Variants in PCSK6 observed in about 807,000 individuals in gnomAD.
The protein encoded by PCSK6 is proprotein convertase subtilisin/kexin type 6, also known as paired basic amino acid cleaving enzyme 4.
PCSK6 carries 85 observed loss-of-function variants against 123.3 expected under a neutral mutation model. The ratio of observed to expected loss-of-function variants is 0.69; its 90% CI spans 0.58 to 0.83. PCSK6 has a LOEUF of 0.83. Ranked by LOEUF, PCSK6 falls within the 40% of genes least tolerant of loss-of-function variation. The pLI, the probability that PCSK6 is intolerant of heterozygous loss-of-function variation, is 0.00. For synonymous variants in PCSK6, 508 were observed against 516.0 expected (o/e 0.98, Z 0.21); for missense variants, 1,191 against 1,282.3 (o/e 0.93, Z 1.09).
intron 2 of PCSK6, among the ~76,000 whole-genome samples, chr15:101,437,150 A>G (rs185681064): frequency 6.6e-6 from 1 of 152,334 alleles, no homozygotes; most frequent in Admixed American, 6.5e-5. Context: ...ATGGCTAAGA[A>G]CCACTGAACC....
rs759847490 is a variant in PCSK6, at chr15:101,382,112, G to A, written c.1512C>T (p.Ala504=). The A allele has an allele frequency of 1.7e-5, 27 of 1,608,992 alleles. No individual in the cohort carries two copies. Among genetic ancestry groups the A allele is most frequent in the Admixed American group, 1.0e-4 (6 of 59,428 alleles). ...TAVPSQHMCV[A]ASDKRPRSIP... is the part of the protein sequence containing the mutation. ...CTTACCTGGGTCTCTTGTCCGAGGC[G>A]GCCACACACATGTGCTGCGATGGCA... The change falls in exon 11 of 22, where the codon GCC becomes GCT. Residue 504 remains alanine, a synonymous_variant. Coordinates refer to ENST00000611716, the MANE Select transcript of PCSK6 (RefSeq NM_002570.5).
chr15:101,457,133 C>T (rs1339506161), intron 1 of PCSK6, among the ~76,000 whole-genome samples: 1 of 151,930 alleles, frequency 6.6e-6, no homozygotes, highest in African/African-American at 2.4e-5. Context: ...GATCGTGCCA[C>T]CGCACTCCAG....
At chr15:101,308,700 G>C (rs1000938137) in intron 20 of PCSK6, 4 of 113,216 alleles carry the variant, frequency 3.5e-5, no homozygotes, top group African/African-American at 1.1e-4. Flanking sequence ...TTGTGCACTT[G>C]TGGGAAGCCC....
At chr15:101,331,113 C>T (rs116167282) in intron 15 of PCSK6, among the ~76,000 whole-genome samples, 2 of 152,214 alleles carry the variant, frequency 1.3e-5, no homozygotes, top group African/African-American at 2.4e-5. Context: ...GTCTAACAAA[C>T]GAATAAAAGC....
intron 12 of PCSK6, among the ~76,000 whole-genome samples, chr15:101,367,580 C>T (rs149732182): frequency 1.8e-3 from 275 of 152,318 alleles, no homozygotes; most frequent in African/African-American, 6.4e-3. Flanking sequence ...GAACCCAACA[C>T]ACTGGGGACA....
rs1381785773 is a variant in PCSK6 at position 101,398,596 on chromosome 15, TCGGTGTCGGCGCCCAGGCTC to T, written c.824-40_824-21del. 7 of 1,597,682 alleles carry T rather than the reference TCGGTGTCGGCGCCCAGGCTC, an allele frequency of 4.4e-6. No individual in the cohort carries two copies. Among genetic ancestry groups the T allele is most frequent in the Non-Finnish European group, 6.0e-6 (7 of 1,170,266 alleles). On this transcript the variant is annotated intron_variant, in intron 6 of 21. Transcript: ENST00000611716. This position sits in a 1 kb window ranked among gnomAD's most constrained non-coding sequence, Gnocchi z 4.6. Reference sequence around the variant, plus strand: ...GGATGCCTGAAAGCACAGAGGAGGCTCGGTGTCGGCGCCCAGGCTCCGGGCACACAGCGACGGGAACCCGG... The same window carrying T: ...GGATGCCTGAAAGCACAGAGGAGGCTCGGGCACACAGCGACGGGAACCCGG...
chr15:101,318,501 GA>G (rs2040045431), intron 18 of PCSK6, 79 bp from the exon 19 acceptor site: 2 of 1,196,358 alleles, frequency 1.7e-6, no homozygotes, highest in Non-Finnish European at 2.4e-6. Context: ...CCTTTCCCAA[GA>G]GGAGATGTAA....
At chr15:101,489,169 C>G (rs1168777958) in intron 1 of PCSK6, among the ~76,000 whole-genome samples, 3 of 129,880 alleles carry the variant, frequency 2.3e-5, no homozygotes, top group East Asian at 2.5e-4. Flanking sequence ...TCCCCCCCAC[C>G]CCGCCGAGTG....
chr15:101,382,537 T>A (rs1294348285), intron 10 of PCSK6, among the ~76,000 whole-genome samples: 1 of 152,194 alleles, frequency 6.6e-6, no homozygotes, highest in Non-Finnish European at 1.5e-5. Flanking sequence ...TAAAAGGGCT[T>A]GTCAGCATCT....
In PCSK6 at chr15:101,403,340, G is replaced by A. The variant is rs978573929; in HGVS notation, c.824-4764C>T. 6.6e-5 allele frequency among the ~76,000 whole-genome samples: 10 copies of A among 150,876 alleles called. No homozygotes were observed. In the East Asian group the frequency reaches 9.8e-4, roughly 15 times the overall value. On this transcript the variant is annotated intron_variant, in intron 6 of 21. Transcript: ENST00000611716. ...AATGCTAAATGACCAGTTAATGGGT[G>A]CAGCACACCAGCATGGCACATGTAC...
chr15:101,309,737 C>T (rs1567134595), intron 20 of PCSK6, among the ~76,000 whole-genome samples: 1 of 152,342 alleles, frequency 6.6e-6, no homozygotes, highest in East Asian at 1.9e-4. Flanking sequence ...GAGGAGTTTG[C>T]CTCCCCCGCT....
intron 13 of PCSK6, among the ~76,000 whole-genome samples, chr15:101,356,125 T>C (rs773504436): frequency 6.6e-6 from 1 of 152,190 alleles, no homozygotes; most frequent in Non-Finnish European, 1.5e-5. Flanking sequence ...CTCGGGCATT[T>C]TGGATGGCAA....
At chr15:101,373,499 G>C (rs1456998124) in intron 11 of PCSK6, among the ~76,000 whole-genome samples, 1 of 152,200 alleles carries the variant, frequency 6.6e-6, no homozygotes, top group African/African-American at 2.4e-5. Flanking sequence ...CTGACATGCA[G>C]TTAGCTCCCC....
At chr15:101,380,205 G>C (rs564238183) in intron 11 of PCSK6, among the ~76,000 whole-genome samples, 2 of 152,144 alleles carry the variant, frequency 1.3e-5, no homozygotes, top group African/African-American at 4.8e-5. Flanking sequence ...TCTAGACTCC[G>C]TGTGCTTTCA....
chr15:101,489,673 C>G lies in PCSK6; in HGVS notation c.-3G>C. 1 of 974,252 alleles carries G rather than the reference C, an allele frequency of 1.0e-6. No individual in the cohort carries two copies. The highest frequency in any genetic ancestry group is 1.2e-6 in the Non-Finnish European group (1 of 823,388). The allele number at this position is 974,252 out of a possible 1,614,324, so 60.4% of individuals were successfully genotyped here. The stretch of plus-strand genomic sequence containing the variant: ...GCAGGCGGCGCGCGCGGAGGCATAG[C>G]GGCGACAGGCTCGCGCGGCGCCCGA... On this transcript the variant is annotated 5_prime_UTR_variant, in exon 1 of 22. Coordinates refer to ENST00000611716, the MANE Select transcript of PCSK6 (RefSeq NM_002570.5).
At chr15:101,439,326 G>A (rs1412005244) in intron 2 of PCSK6, among the ~76,000 whole-genome samples, 5 of 152,246 alleles carry the variant, frequency 3.3e-5, no homozygotes, top group South Asian at 2.1e-4. Context: ...GAAGGGCAGA[G>A]CATGTCGTGA....
intron 6 of PCSK6, among the ~76,000 whole-genome samples, chr15:101,412,920 C>T (rs578091577): frequency 1.3e-5 from 2 of 150,954 alleles, no homozygotes; most frequent in South Asian, 2.1e-4. Context: ...CCCAGGAGTT[C>T]GAGGTTACAG....
chr15:101,324,599 T>C lies in PCSK6; in HGVS notation c.2377+251A>G, dbSNP rs572139665. 5.9e-5 allele frequency among the ~76,000 whole-genome samples: 9 copies of C among 152,358 alleles called. No individual in the cohort carries two copies. In the South Asian group the frequency reaches 1.9e-3, roughly 32 times the overall value. ...TCTGTTGCAGGTGGGTGAAATTCCC[T>C]GGACAGCCAGGATGTCTCTCAGCAT... is the stretch of plus-strand genomic sequence containing the variant. On this transcript the variant is annotated intron_variant, in intron 17 of 21. Coordinates refer to ENST00000611716, the MANE Select transcript of PCSK6 (RefSeq NM_002570.5).
intron 2 of PCSK6, among the ~76,000 whole-genome samples, chr15:101,441,712 C>T (rs564416160): frequency 1.3e-5 from 2 of 152,314 alleles, no homozygotes; most frequent in South Asian, 2.1e-4. Flanking sequence ...CCACGGTCCC[C>T]GTCTCTTCTC....
Sources: allele counts gnomAD v4.1 joint callset (sites outside exome capture counted in the v4.1 genomes callset), GRCh38; gene constraint gnomAD v4.1.1; non-coding constraint Gnocchi (gnomAD v3.1); transcripts MANE v1.5; gene names NCBI Gene and HGNC (gene_info 2026-07-23, HGNC 2026-07-21).